STIM1: variants seen among roughly 807,000 people sequenced by gnomAD.
The protein encoded by STIM1 is stromal interaction molecule 1.
A neutral mutation model predicts 74.7 loss-of-function variants in STIM1; 25 were observed. The ratio of observed to expected loss-of-function variants is 0.33; its 90% CI spans 0.24 to 0.47. The LOEUF (loss-of-function observed/expected upper bound fraction) is 0.47. STIM1 is among the 20% of genes least tolerant of loss of function. STIM1 has a pLI of 1.00. For synonymous variants in STIM1, 328 were observed against 348.8 expected (o/e 0.94, Z 0.66); for missense variants, 728 against 920.8 (o/e 0.79, Z 2.71).
At chr11:4,036,043 TC>T (rs2094098606) in intron 3 of STIM1, among the ~76,000 whole-genome samples, 1 of 152,118 alleles carries the variant, frequency 6.6e-6, no homozygotes. Context: ...TGTATGTTGT[TC>T]CCCCTGATGT....
intron 1 of STIM1, among the ~76,000 whole-genome samples, chr11:3,927,530 T>G (rs2092803709): frequency 6.6e-6 from 1 of 152,354 alleles, no homozygotes; most frequent in South Asian, 2.1e-4. Context: ...GTAACCTTTT[T>G]CGCAGTTTGC....
In STIM1 at chr11:3,933,444, T is replaced by TA. The variant is rs1297225171; in HGVS notation, c.140-34106dup. Among the ~76,000 whole-genome samples the TA allele has an allele frequency of 2.6e-5, 4 of 152,316 alleles. No individual in the cohort carries two copies. The East Asian group carries it at 7.7e-4, about 29-fold the overall frequency. On this transcript the variant is annotated intron_variant, in intron 1 of 12. Transcript: ENST00000526596. ...AAGTTTAGTGAACTAAGTAAACAAG[T>TA]AAGTAGTGGTTTGGGGTTAGAGTTT...
At chr11:3,935,775 C>G (rs2092924456) in intron 1 of STIM1, among the ~76,000 whole-genome samples, 1 of 152,214 alleles carries the variant, frequency 6.6e-6, no homozygotes, top group Non-Finnish European at 1.5e-5. Flanking sequence ...AAATACCACA[C>G]CTGGGCTAAC....
At chr11:4,000,418 C>T (rs546074468) in intron 2 of STIM1, among the ~76,000 whole-genome samples, 373 of 151,724 alleles carry the variant, frequency 2.5e-3, no homozygotes, top group Non-Finnish European at 4.3e-3. Context: ...CAGCAGCATT[C>T]GCGGATCATG....
chr11:4,052,582 T>A (rs2094252126), intron 3 of STIM1, among the ~76,000 whole-genome samples: 2 of 152,166 alleles, frequency 1.3e-5, no homozygotes, highest in South Asian at 4.1e-4. Flanking sequence ...TATACAAAAA[T>A]TAATTCAAGA....
intron 1 of STIM1, among the ~76,000 whole-genome samples, chr11:3,928,613 G>T (rs924377714): frequency 1.6e-4 from 25 of 152,092 alleles, no homozygotes; most frequent in Admixed American, 1.6e-3. Context: ...GTGTGCGCGT[G>T]TGTGCATGTG....
Position 3,967,590 on chromosome 11 carries a change from G to A in STIM1, c.178G>A (p.Asp60Asn), listed in dbSNP as rs2093351308. 1 of 1,614,204 alleles carries A rather than the reference G, an allele frequency of 6.2e-7. No individual in the cohort carries two copies. Among genetic ancestry groups the A allele is most frequent in the Non-Finnish European group, 8.5e-7 (1 of 1,180,032 alleles). ...TGACAAGCCCCTGTGTCACAGTGAG[G>A]ATGAGAAACTCAGCTTCGAGGCAGT... ...RIDKPLCHSE[D>N]EKLSFEAVRN... Residue 60 changes from aspartate (D) to asparagine (N), a missense_variant, in exon 2 of 13, where the codon GAT becomes AAT. Physicochemically the swap from Asp to Asn is conservative, Grantham distance 23 (BLOSUM62 1). Around this residue, in one of 5 missense-constraint regions of STIM1, gnomAD observed 51 missense variants for 101.1 expected, o/e 0.50. Transcript: ENST00000526596.
At chr11:3,873,698 A>G (rs543914116) in intron 1 of STIM1, among the ~76,000 whole-genome samples, 3 of 152,256 alleles carry the variant, frequency 2.0e-5, no homozygotes, top group Middle Eastern at 3.4e-3. Context: ...CTGTTAGCTC[A>G]GTTTACCTAC....
At chr11:3,868,638 G>A (rs1194971923) in intron 1 of STIM1, among the ~76,000 whole-genome samples, 2 of 152,196 alleles carry the variant, frequency 1.3e-5, no homozygotes, top group African/African-American at 2.4e-5. Flanking sequence ...TGGGAAACTA[G>A]GATTAGAGGT....
chr11:3,977,683 G>A (rs1476728667), intron 2 of STIM1, among the ~76,000 whole-genome samples: 1 of 152,178 alleles, frequency 6.6e-6, no homozygotes, highest in Non-Finnish European at 1.5e-5. Flanking sequence ...ATGCAAACAA[G>A]CCTGTATTCA....
chr11:4,079,889 A>C (rs1565169758), intron 7 of STIM1, among the ~76,000 whole-genome samples: 1 of 152,098 alleles, frequency 6.6e-6, no homozygotes. Flanking sequence ...AAATGAAATC[A>C]CTGTCTCTAG....
intron 1 of STIM1, among the ~76,000 whole-genome samples, chr11:3,883,342 C>A (rs1030682760): frequency 6.6e-6 from 1 of 151,842 alleles, no homozygotes; most frequent in Non-Finnish European, 1.5e-5. Flanking sequence ...AATGGGACAC[C>A]ATTTTTTTTG....
intron 1 of STIM1, among the ~76,000 whole-genome samples, chr11:3,861,469 C>G (rs1038485520): frequency 6.6e-6 from 1 of 152,068 alleles, no homozygotes; most frequent in South Asian, 2.1e-4. Context: ...CTCCTGACTT[C>G]GTGATCTGCC....
intron 2 of STIM1, among the ~76,000 whole-genome samples, chr11:4,004,969 A>G (rs1590640179): frequency 2.6e-5 from 4 of 152,342 alleles, no homozygotes; most frequent in Admixed American, 2.0e-4. Flanking sequence ...GCAGCCAAAA[A>G]ACACATGAGA....
intron 1 of STIM1, among the ~76,000 whole-genome samples, chr11:3,933,856 G>A (rs2092901422): frequency 1.3e-5 from 2 of 152,188 alleles, no homozygotes; most frequent in Non-Finnish European, 2.9e-5. Context: ...AGATGGGGAT[G>A]GCTCATTAGA....
intron 3 of STIM1, among the ~76,000 whole-genome samples, chr11:4,036,131 T>G (rs1363515183): frequency 1.3e-5 from 2 of 152,210 alleles, no homozygotes; most frequent in African/African-American, 4.8e-5. Flanking sequence ...CTTGCGTGAA[T>G]TTGCTGAGGA....
At chr11:3,992,081 G>A (rs1475817651) in intron 2 of STIM1, among the ~76,000 whole-genome samples, 1 of 91,964 alleles carries the variant, frequency 1.1e-5, no homozygotes, top group Non-Finnish European at 2.0e-5. Flanking sequence ...GCCAACATCT[G>A]TTTTTTTGTT....
intron 6 of STIM1, among the ~76,000 whole-genome samples, chr11:4,071,937 G>T (rs2094406112): frequency 6.6e-6 from 1 of 152,162 alleles, no homozygotes; most frequent in Admixed American, 6.5e-5. Context: ...GGGAGCAAGA[G>T]GGGTCTGATC....
At chr11:3,987,497 TG>T (rs59365881) in intron 2 of STIM1, among the ~76,000 whole-genome samples, 7,962 of 152,224 alleles carry the variant, frequency 0.052, 360 homozygotes, top group East Asian at 0.18. Context: ...GAAAGTTGCT[TG>T]GCTCTGTCTT....
Sources: gnomAD v4.1 joint callset for allele counts (sites outside exome capture counted in the v4.1 genomes callset) on GRCh38, gnomAD v4.1.1 for gene constraint, gnomAD v4.1.1 regional missense constraint, MANE v1.5 for transcripts, NCBI Gene and HGNC (gene_info 2026-07-23, HGNC 2026-07-21) for gene names.